The following SLC39A14 variants were observed in gnomAD, a reference collection of about 807,000 sequenced individuals.
SLC39A14 encodes solute carrier family 39 member 14, also known as metal cation symporter ZIP14.
A neutral mutation model predicts 45.5 loss-of-function variants in SLC39A14; 19 were observed. That is an observed-to-expected ratio of 0.42 (90% CI 0.29 to 0.61). The LOEUF (loss-of-function observed/expected upper bound fraction) is 0.61. Among genes scored for constraint, SLC39A14 ranks in the 20% least tolerant of loss-of-function variants. The pLI is 0.22. For synonymous variants in SLC39A14, 264 were observed against 251.3 expected, an observed-to-expected ratio of 1.05 and a Z score of -0.48; for missense variants, 447 against 616.5, an observed-to-expected ratio of 0.73 and a Z score of 2.91.
intron 8 of SLC39A14, among the ~76,000 whole-genome samples, chr8:22,432,645 ATTTTTTT>A (rs35981745): frequency 8.8e-6 from 1 of 114,082 alleles, no homozygotes; most frequent in East Asian, 2.4e-4. Context: ...TGCCCGGCTA[ATTTTTTT>A]TTTTTTTTTT....
intron 1 of SLC39A14, among the ~76,000 whole-genome samples, chr8:22,379,865 GT>G (rs1294517569): frequency 3.4e-5 from 5 of 148,826 alleles, no homozygotes; most frequent in African/African-American, 1.0e-4. Context: ...GGAGGCAGAG[GT>G]TGCAGTGAGC....
At chr8:22,423,925 CCTT>C (rs1392684230), downstream of SLC39A14, among the ~76,000 whole-genome samples, 2 of 151,920 alleles carry the variant, frequency 1.3e-5, no homozygotes, top group African/African-American at 2.4e-5. Flanking sequence ...CCTGCCTTAA[CCTT>C]TTGAGTAGCT....
At chr8:22,433,540 C>CTTTTT (rs555154342) in intron 8 of SLC39A14, among the ~76,000 whole-genome samples, 5 of 118,246 alleles carry the variant, frequency 4.2e-5, no homozygotes, top group African/African-American at 9.7e-5. Context: ...TTATTTTATG[C>CTTTTT]TTTTTTTTTT....
At chr8:22,391,303 C>T (rs1435161730) in intron 1 of SLC39A14, among the ~76,000 whole-genome samples, 1 of 152,130 alleles carries the variant, frequency 6.6e-6, no homozygotes, top group Non-Finnish European at 1.5e-5. Context: ...ATCCCCAATA[C>T]CTAGCATGAC....
At chr8:22,417,955 T>A in intron 8 of SLC39A14, 120 bp downstream of exon 8, 1 of 829,142 alleles carries the variant, frequency 1.2e-6, no homozygotes, top group South Asian at 1.9e-5. Context: ...CAGGCTGGAG[T>A]GCAGTGGCAT....
chr8:22,402,261 TG>T (rs775107796), intron 1 of SLC39A14, among the ~76,000 whole-genome samples: 11 of 152,114 alleles, frequency 7.2e-5, no homozygotes, highest in Non-Finnish European at 1.2e-4. Context: ...GGCAGGTGCC[TG>T]TAGTCCCAGC....
chr8:22,416,550 A>G (rs1835894599), intron 7 of SLC39A14, among the ~76,000 whole-genome samples: 1 of 151,652 alleles, frequency 6.6e-6, no homozygotes, highest in African/African-American at 2.4e-5. Flanking sequence ...TCAGTCTCCC[A>G]AGTAGCTGGG....
downstream of SLC39A14, among the ~76,000 whole-genome samples, chr8:22,426,248 T>A (rs1836385616): frequency 6.6e-6 from 1 of 151,990 alleles, no homozygotes. Flanking sequence ...CAGGCTAGAG[T>A]GCAGTTTCTC....
In SLC39A14 at chr8:22,416,291, G is replaced by A. The variant is rs747993867; in HGVS notation, c.1147+11G>A. ...TCCCACATGAGCTAGGTAAGCGTGC[G>A]TCCCCCGTTCCACTGGTGCTCCCTT... On this transcript the variant is annotated intron_variant, in intron 7 of 8. Coordinates refer to ENST00000381237, the MANE Select transcript of SLC39A14 (RefSeq NM_001128431.4). 3.0e-5 allele frequency: 48 copies of A among 1,611,348 alleles called. No homozygotes were observed. The highest frequency in any genetic ancestry group is 4.2e-4 in the Middle Eastern group (2 of 4,788).
At chr8:22,371,943 C>G (rs1299412589) in intron 1 of SLC39A14, among the ~76,000 whole-genome samples, 3 of 151,844 alleles carry the variant, frequency 2.0e-5, no homozygotes, top group Non-Finnish European at 4.4e-5. Flanking sequence ...CGAGGTTTCA[C>G]CATGTTGGCC....
rs188543865 is a variant in SLC39A14 at position 22,430,712 on chromosome 8, G to A, written c.1333-3179G>A. 7.2e-3 allele frequency among the ~76,000 whole-genome samples: 1,092 copies of A among 152,036 alleles called. 12 individuals are homozygous for A. The highest frequency in any genetic ancestry group is 0.024 in the African/African-American group (978 of 41,462). ...TTTGGAGACAGGGTCTTGCTCTGTC[G>A]TCCAGGCTGGAGTGCAGTGGTGTGA... On this transcript the variant is annotated intron_variant, in intron 8 of 8. Transcript: ENST00000240095.
chr8:22,380,304 C>T (rs1833437028), intron 1 of SLC39A14, among the ~76,000 whole-genome samples: 1 of 152,130 alleles, frequency 6.6e-6, no homozygotes. Context: ...TGTGGTACCC[C>T]TGTGGCAAAG....
intron 1 of SLC39A14, among the ~76,000 whole-genome samples, chr8:22,372,162 A>G (rs1832974625): frequency 1.3e-5 from 2 of 152,198 alleles, no homozygotes; most frequent in Admixed American, 6.5e-5. Flanking sequence ...AATTGTTTGT[A>G]TATAAAAATC....
chr8:22,399,966 C>T (rs373401435), intron 1 of SLC39A14, among the ~76,000 whole-genome samples: 187 of 152,262 alleles, frequency 1.2e-3, no homozygotes, highest in African/African-American at 4.2e-3. Context: ...CCCCAGAGCA[C>T]GAGCACTGTG....
chr8:22,410,082 G>A (rs1414085778), intron 3 of SLC39A14: 2 of 1,614,150 alleles, frequency 1.2e-6, no homozygotes, highest in Admixed American at 1.7e-5. Context: ...TTGGAACGCT[G>A]CTGTCTAACG....
intron 7 of SLC39A14, among the ~76,000 whole-genome samples, chr8:22,417,130 A>G (rs533372816): frequency 2.0e-4 from 30 of 152,356 alleles, no homozygotes; most frequent in African/African-American, 6.7e-4. Context: ...GCTTTGCCAT[A>G]TATTGACTTG....
intron 1 of SLC39A14, chr8:22,398,744 G>A (rs1215612640): frequency 2.0e-6 from 2 of 985,324 alleles, no homozygotes; most frequent in South Asian, 4.7e-5. Flanking sequence ...GTCTGTGCAG[G>A]ACAGAAGTGC....
chr8:22,390,453 A>G (rs59160602), intron 1 of SLC39A14, among the ~76,000 whole-genome samples: 18,551 of 151,768 alleles, frequency 0.12, 1,977 homozygotes, highest in African/African-American at 0.29. Context: ...CTACAGGCAC[A>G]CACAACCATG....
chr8:22,371,843 C>T (rs963127069), intron 1 of SLC39A14, among the ~76,000 whole-genome samples: 2 of 151,152 alleles, frequency 1.3e-5, no homozygotes, highest in Non-Finnish European at 2.9e-5. Context: ...CTCCCGGGTT[C>T]AAGCCATTCT....
Sources: gnomAD v4.1 joint callset for allele counts (sites outside exome capture counted in the v4.1 genomes callset) on GRCh38, gnomAD v4.1.1 for gene constraint, MANE v1.5 for transcripts, NCBI Gene and HGNC (gene_info 2026-07-23, HGNC 2026-07-21) for gene names.